Variants in SHISA9 observed in about 807,000 individuals in gnomAD.
SHISA9 encodes the protein shisa family member 9, also known as protein shisa-9.
SHISA9 carries 13 observed loss-of-function variants against 38.0 expected under a neutral mutation model. That is an observed-to-expected ratio of 0.34 (90% CI 0.22 to 0.54). SHISA9 has a LOEUF of 0.54. Among genes scored for constraint, SHISA9 ranks in the 20% least tolerant of loss-of-function variants. SHISA9 has a pLI of 0.91. For missense variants in SHISA9, 538 were observed against 575.8 expected, an observed-to-expected ratio of 0.93 and a Z score of 0.67; for synonymous variants, 275 against 242.0, an observed-to-expected ratio of 1.14 and a Z score of -1.27.
the SHISA9 span, among the ~76,000 whole-genome samples, chr16:13,274,840 T>C: frequency 2.0e-5 from 3 of 152,288 alleles, no homozygotes; most frequent in Non-Finnish European, 4.4e-5. Context: ...ACTAATTCCC[T>C]GCAGCAGAAA....
At chr16:13,062,908 C>G (rs767512024) in intron 2 of SHISA9, among the ~76,000 whole-genome samples, 1 of 152,038 alleles carries the variant, frequency 6.6e-6, no homozygotes, top group Admixed American at 6.6e-5. Flanking sequence ...TCCTGGCTCC[C>G]GAGGGAGAGA....
chr16:13,372,974 C>T, the SHISA9 span, among the ~76,000 whole-genome samples: 1 of 152,086 alleles, frequency 6.6e-6, no homozygotes, highest in Non-Finnish European at 1.5e-5. Context: ...CATATCTGTG[C>T]TTTAAACATA....
chr16:13,406,254 T>C, the SHISA9 span, among the ~76,000 whole-genome samples: 1 of 152,218 alleles, frequency 6.6e-6, no homozygotes, highest in Non-Finnish European at 1.5e-5. Context: ...ATAATCTTGT[T>C]AGTGCTTTGT....
intron 2 of SHISA9, among the ~76,000 whole-genome samples, chr16:13,036,424 G>A (rs1354244627): frequency 6.6e-6 from 1 of 152,122 alleles, no homozygotes; most frequent in Non-Finnish European, 1.5e-5. Flanking sequence ...AATGACAAAT[G>A]AAATCTAGTG....
rs916219618 is a variant in SHISA9, at chr16:13,025,312, A to G, written c.691+108497A>G. 1.2e-4 allele frequency among the ~76,000 whole-genome samples: 18 copies of G among 152,340 alleles called. No individual in the cohort carries two copies. In the East Asian group the frequency reaches 2.9e-3, roughly 24 times the overall value. On this transcript the variant is annotated intron_variant, in intron 2 of 4. Transcript: ENST00000558583. Reference sequence around the variant, plus strand: ...AAACTTGTTAGACCTACAAATTCTCAGGACACACTGCAGACCTGCTGAATT... The same window carrying G: ...AAACTTGTTAGACCTACAAATTCTCGGGACACACTGCAGACCTGCTGAATT...
chr16:12,959,279 G>C (rs12924194), intron 2 of SHISA9, among the ~76,000 whole-genome samples: 1 of 152,080 alleles, frequency 6.6e-6, no homozygotes, highest in Non-Finnish European at 1.5e-5. Context: ...TATATGTCCA[G>C]CCTCTGCAGG....
intron 3 of SHISA9, among the ~76,000 whole-genome samples, chr16:13,204,651 G>C (rs1482396569): frequency 1.3e-5 from 2 of 152,194 alleles, no homozygotes. Context: ...TACGGGAGTG[G>C]GCAGCCTGGG....
chr16:13,181,203 A>G (rs910740769), intron 2 of SHISA9, among the ~76,000 whole-genome samples: 2 of 147,068 alleles, frequency 1.4e-5, no homozygotes, highest in Admixed American at 6.8e-5. Flanking sequence ...TATAATTACT[A>G]TGGTGGGTAG....
chr16:13,354,299 C>CGGTGGTGG, the SHISA9 span, among the ~76,000 whole-genome samples: 1 of 49,390 alleles, frequency 2.0e-5, no homozygotes, highest in South Asian at 1.3e-3. Flanking sequence ...TGGTGTGTGG[C>CGGTGGTGG]AATTAGGCCT....
At chr16:13,018,339 T>C (rs1262804006) in intron 2 of SHISA9, among the ~76,000 whole-genome samples, 3 of 152,242 alleles carry the variant, frequency 2.0e-5, no homozygotes, top group Non-Finnish European at 4.4e-5. Context: ...AGGTTGGCCC[T>C]GCTTCCTGAA....
the SHISA9 span, among the ~76,000 whole-genome samples, chr16:13,542,649 A>G: frequency 2.6e-5 from 4 of 152,234 alleles, no homozygotes; most frequent in South Asian, 6.2e-4. Context: ...CCTCACCCCT[A>G]TTTCCCAGGG....
At chr16:13,163,043 T>G (rs899763612) in intron 2 of SHISA9, among the ~76,000 whole-genome samples, 2 of 152,198 alleles carry the variant, frequency 1.3e-5, no homozygotes, top group African/African-American at 4.8e-5. Context: ...GTCTTTATCC[T>G]TCTCTTGTTC....
chr16:13,464,522 G>C, the SHISA9 span, among the ~76,000 whole-genome samples: 2 of 152,160 alleles, frequency 1.3e-5, no homozygotes, highest in South Asian at 4.1e-4. Flanking sequence ...GTCTGAACTA[G>C]AGTTTCTTGT....
intron 2 of SHISA9, among the ~76,000 whole-genome samples, chr16:13,193,102 G>A (rs72786645): frequency 0.19 from 29,533 of 152,070 alleles, 3,207 homozygotes; most frequent in East Asian, 0.37. Flanking sequence ...GGTTCAATGC[G>A]TGGTTCAATG....
the SHISA9 span, among the ~76,000 whole-genome samples, chr16:13,433,805 A>G: frequency 6.6e-6 from 1 of 152,218 alleles, no homozygotes; most frequent in African/African-American, 2.4e-5. Flanking sequence ...TTGTATCCCC[A>G]GGATAGGCAG....
At chr16:13,464,331 T>A in the SHISA9 span, among the ~76,000 whole-genome samples, 1 of 152,280 alleles carries the variant, frequency 6.6e-6, no homozygotes, top group Admixed American at 6.5e-5. Context: ...ATGCCACCAT[T>A]CTTTCACTGG....
At chr16:13,230,769 G>T (rs971483938) in intron 4 of SHISA9, among the ~76,000 whole-genome samples, 1 of 152,292 alleles carries the variant, frequency 6.6e-6, no homozygotes, top group East Asian at 1.9e-4. Context: ...AGGGCTGCTG[G>T]TTACTCATTT....
intron 2 of SHISA9, among the ~76,000 whole-genome samples, chr16:13,099,528 C>G (rs965174283): frequency 7.2e-5 from 11 of 151,922 alleles, no homozygotes; most frequent in African/African-American, 2.4e-4. Flanking sequence ...TCAGCCTTGA[C>G]TTGATGGGGT....
At chr16:13,365,828 G>A in the SHISA9 span, among the ~76,000 whole-genome samples, 1 of 152,104 alleles carries the variant, frequency 6.6e-6, no homozygotes, top group African/African-American at 2.4e-5. Context: ...AGTTGTAATT[G>A]TTGGACGTGG....
Sources: allele counts gnomAD v4.1 joint callset (sites outside exome capture counted in the v4.1 genomes callset), GRCh38; gene constraint gnomAD v4.1.1; transcripts MANE v1.5; gene names NCBI Gene and HGNC (gene_info 2026-07-23, HGNC 2026-07-21).